ITGB5: variants seen among roughly 807,000 people sequenced by gnomAD.
ITGB5 encodes integrin subunit beta 5, also known as integrin beta-5.
Under a neutral mutation model 84.8 loss-of-function variants are expected in ITGB5, and 38 were observed. The ratio of observed to expected loss-of-function variants is 0.45; its 90% CI spans 0.35 to 0.59. The LOEUF is 0.59. Ranked by LOEUF, ITGB5 falls within the 20% of genes least tolerant of loss-of-function variation. The pLI is 0.01. For missense variants in ITGB5, 905 were observed against 1,034.5 expected, an observed-to-expected ratio of 0.87 and a Z score of 1.72; for synonymous variants, 393 against 414.4, an observed-to-expected ratio of 0.95 and a Z score of 0.63.
At chr3:124,805,366 C>T (rs1249146446) in intron 9 of ITGB5, among the ~76,000 whole-genome samples, 1 of 151,982 alleles carries the variant, frequency 6.6e-6, no homozygotes, top group Non-Finnish European at 1.5e-5. Context: ...TGGTCTCGAA[C>T]TCCTGAGCTC....
intron 10 of ITGB5, among the ~76,000 whole-genome samples, chr3:124,780,139 G>A (rs577263774): frequency 8.2e-6 from 1 of 121,952 alleles, no homozygotes; most frequent in Admixed American, 7.7e-5. Flanking sequence ...GGCCTCTGAG[G>A]CAGGGCACAG....
At chr3:124,867,188 A>G (rs2065404362) in intron 2 of ITGB5, among the ~76,000 whole-genome samples, 1 of 150,950 alleles carries the variant, frequency 6.6e-6, no homozygotes, top group African/African-American at 2.4e-5. Flanking sequence ...GCCCGACCCC[A>G]TTTCCATGCA....
intron 9 of ITGB5, among the ~76,000 whole-genome samples, chr3:124,806,424 A>ATTTTTTT (rs71145488): frequency 1.4e-5 from 1 of 72,774 alleles, no homozygotes; most frequent in Non-Finnish European, 2.6e-5. Flanking sequence ...GCCTCATTCC[A>ATTTTTTT]TTTTTTTTTT....
chr3:124,779,918 CGAGGCCA>C (rs1034355556), intron 10 of ITGB5, among the ~76,000 whole-genome samples: 3 of 152,120 alleles, frequency 2.0e-5, no homozygotes, highest in African/African-American at 7.2e-5. Context: ...ATGAGGTGAC[CGAGGCCA>C]TGCCCAGTCG....
chr3:124,796,982 G>A (rs576038971), intron 9 of ITGB5, among the ~76,000 whole-genome samples, 165 bp from the exon 10 acceptor site: 2 of 152,270 alleles, frequency 1.3e-5, no homozygotes, highest in South Asian at 2.1e-4. Flanking sequence ...CTCAGAACCA[G>A]CAAGCTCCCA....
intron 9 of ITGB5, among the ~76,000 whole-genome samples, chr3:124,807,828 G>A (rs975450619): frequency 4.0e-5 from 6 of 151,452 alleles, no homozygotes; most frequent in African/African-American, 1.5e-4. Context: ...TGTAGTCCCA[G>A]CTACTCAGGA....
At chr3:124,837,820 C>G (rs1297541779) in intron 5 of ITGB5, among the ~76,000 whole-genome samples, 1 of 152,206 alleles carries the variant, frequency 6.6e-6, no homozygotes, top group South Asian at 2.1e-4. Flanking sequence ...GGGAGATAGG[C>G]CTGTTATCAG....
At chr3:124,878,248 A>G (rs1245715431) in intron 1 of ITGB5, among the ~76,000 whole-genome samples, 1 of 152,214 alleles carries the variant, frequency 6.6e-6, no homozygotes, top group Admixed American at 6.5e-5. Context: ...CAGGACAATA[A>G]GAGCTCCTCA....
intron 1 of ITGB5, among the ~76,000 whole-genome samples, chr3:124,877,231 G>A (rs1016827685): frequency 7.3e-5 from 11 of 150,394 alleles, no homozygotes; most frequent in African/African-American, 2.2e-4. Flanking sequence ...CTCCTGCCTG[G>A]GCCTCCCAAA....
chr3:124,764,638 G>T, intron 13 of ITGB5, 81 bp from the exon 14 acceptor site: 1 of 1,427,360 alleles, frequency 7.0e-7, no homozygotes. Context: ...TTTCTGAGAT[G>T]AAAGTTGCAC....
chr3:124,881,949 CA>C (rs1210408853), intron 1 of ITGB5, among the ~76,000 whole-genome samples: 1 of 152,076 alleles, frequency 6.6e-6, no homozygotes, highest in African/African-American at 2.4e-5. Flanking sequence ...GCCTGGGCAA[CA>C]GAGTGAGACT....
chr3:124,780,475 T>C, intron 10 of ITGB5, among the ~76,000 whole-genome samples: 1 of 152,230 alleles, frequency 6.6e-6, no homozygotes. Context: ...TTCCACTAGC[T>C]CTGGAATGCA....
At chr3:124,874,405 T>C (rs1179434234) in intron 1 of ITGB5, among the ~76,000 whole-genome samples, 1 of 152,092 alleles carries the variant, frequency 6.6e-6, no homozygotes, top group Non-Finnish European at 1.5e-5. Flanking sequence ...GAATTAATAT[T>C]GTCAAAATGT....
Position 124,886,977 on chromosome 3 carries a change from C to A in ITGB5, c.24G>T (p.Leu8=). 1 of 1,201,130 alleles carries A rather than the reference C, an allele frequency of 8.3e-7. No individual in the cohort carries two copies. Among genetic ancestry groups the A allele is most frequent in the Non-Finnish European group, 1.0e-6 (1 of 968,478 alleles). The allele number at this position is 1,201,130 out of a possible 1,614,324, so 74.4% of individuals were successfully genotyped here. A position where few individuals can be genotyped will look rare whatever the true frequency, so the allele number is the denominator to read the frequency against. Residue 8 remains leucine (L), a synonymous_variant, in exon 1 of 15, where the codon CTG becomes CTT. Coordinates refer to ENST00000296181, the MANE Select transcript of ITGB5 (RefSeq NM_002213.5). The part of the protein sequence containing the change: MPRAPAP[L]YACLLGLCAL... ...CGCAGAGCCCCAGGAGGCAGGCGTA[C>A]AGCGGCGCCGGGGCCCGCGGCATGG...
chr3:124,884,302 T>C (rs1350473251), intron 1 of ITGB5, among the ~76,000 whole-genome samples: 1 of 152,078 alleles, frequency 6.6e-6, no homozygotes, highest in Non-Finnish European at 1.5e-5. Flanking sequence ...AGTCAACCTC[T>C]GCTAATCCTG....
At chr3:124,833,875 G>A (rs1303676599) in intron 5 of ITGB5, among the ~76,000 whole-genome samples, 3 of 152,268 alleles carry the variant, frequency 2.0e-5, no homozygotes, top group East Asian at 3.9e-4. Context: ...GGCATTCCAG[G>A]AATGCTTCAA....
intron 5 of ITGB5, among the ~76,000 whole-genome samples, chr3:124,839,975 A>T (rs1466685641): frequency 6.6e-6 from 1 of 152,202 alleles, no homozygotes; most frequent in Non-Finnish European, 1.5e-5. Context: ...GGATCAAGAG[A>T]ATGGCAGATG....
intron 1 of ITGB5, among the ~76,000 whole-genome samples, chr3:124,883,076 C>G (rs1934650939): frequency 6.6e-6 from 1 of 152,212 alleles, no homozygotes; most frequent in East Asian, 1.9e-4. Context: ...CTCCAGCCAA[C>G]TGGAAATACC....
intron 3 of ITGB5, among the ~76,000 whole-genome samples, chr3:124,850,324 C>T (rs1465046366): frequency 6.6e-6 from 1 of 152,030 alleles, no homozygotes; most frequent in African/African-American, 2.4e-5. Flanking sequence ...ATGCTCACAG[C>T]ATCAATTAAG....
Sources: gnomAD v4.1 joint callset for allele counts (sites outside exome capture counted in the v4.1 genomes callset) on GRCh38, gnomAD v4.1.1 for gene constraint, MANE v1.5 for transcripts, NCBI Gene and HGNC (gene_info 2026-07-23, HGNC 2026-07-21) for gene names.